Variants in MRPS27 observed in about 807,000 individuals in gnomAD.
The protein encoded by MRPS27 is small ribosomal subunit protein mS27.
MRPS27 carries 43 observed loss-of-function variants against 48.9 expected under a neutral mutation model. The ratio of observed to expected loss-of-function variants is 0.88; its 90% CI spans 0.69 to 1.13. The LOEUF (loss-of-function observed/expected upper bound fraction) is 1.13. Among genes scored for constraint, MRPS27 ranks in the 50% most tolerant of loss-of-function variants. The pLI is 0.00. For missense variants in MRPS27, 467 were observed against 476.3 expected (o/e 0.98, Z 0.18); for synonymous variants, 188 against 171.9 (o/e 1.09, Z -0.73).
chr5:72,313,518 T>C (rs1320288977), intron 2 of MRPS27, among the ~76,000 whole-genome samples: 1 of 152,258 alleles, frequency 6.6e-6, no homozygotes, highest in Non-Finnish European at 1.5e-5. Flanking sequence ...CTTTTGGGGC[T>C]TGGTATTTTA....
chr5:72,312,653 C>G (rs1403498184), intron 2 of MRPS27, among the ~76,000 whole-genome samples: 1 of 145,960 alleles, frequency 6.9e-6, no homozygotes, highest in African/African-American at 2.5e-5. Context: ...TGGAGTCTTG[C>G]TCTGTTGCCC....
chr5:72,279,094 T>G (rs1039521882), intron 4 of MRPS27, among the ~76,000 whole-genome samples: 1 of 152,234 alleles, frequency 6.6e-6, no homozygotes, highest in Non-Finnish European at 1.5e-5. Flanking sequence ...TATATAATTT[T>G]AAACTCCCAC....
At chr5:72,254,963 C>A (rs1215060500) in intron 4 of MRPS27, among the ~76,000 whole-genome samples, 1 of 149,852 alleles carries the variant, frequency 6.7e-6, no homozygotes, top group Non-Finnish European at 1.5e-5. Context: ...AAGTAAAATG[C>A]AGAATTTAGT....
At chr5:72,261,780 A>G (rs760043471) in intron 4 of MRPS27, among the ~76,000 whole-genome samples, 6 of 152,164 alleles carry the variant, frequency 3.9e-5, no homozygotes, top group Non-Finnish European at 8.8e-5. Flanking sequence ...TTTCCTGTCA[A>G]TTGCCCATTA....
At chr5:72,232,891 A>G (rs189068332) in intron 6 of MRPS27, among the ~76,000 whole-genome samples, 79 of 152,316 alleles carry the variant, frequency 5.2e-4, no homozygotes, top group Non-Finnish European at 4.4e-5. Flanking sequence ...CTACTTCAAG[A>G]GAATTTTGGA....
chr5:72,303,489 T>C (rs1005763600), intron 2 of MRPS27, among the ~76,000 whole-genome samples: 2 of 152,048 alleles, frequency 1.3e-5, no homozygotes, highest in African/African-American at 4.8e-5. Flanking sequence ...TTTTTTAGAA[T>C]TGATAAAAAA....
At position 72,232,501 on chromosome 5, in the gene MRPS27, G is replaced by A; in HGVS notation, c.533C>T (p.Thr178Ile). 1 of 1,612,838 alleles carries A rather than the reference G, an allele frequency of 6.2e-7. No homozygotes were observed. The highest frequency in any genetic ancestry group is 8.5e-7 in the Non-Finnish European group (1 of 1,179,192). ...TAAAACATAGAGGGAGAGAAGTTGG[G>A]TGGAAGGCACTTCAAAGGCTTCTTG... ...MMQEAFEVPS[T>I]QLLSLYVLFH... The change falls in exon 7 of 11, where the codon ACC becomes ATC. Residue 178 changes from threonine (T) to isoleucine (I), a missense_variant. Coordinates refer to ENST00000261413, the MANE Select transcript of MRPS27 (RefSeq NM_015084.3).
chr5:72,279,226 G>A (rs1452452343), intron 4 of MRPS27, among the ~76,000 whole-genome samples: 1 of 152,206 alleles, frequency 6.6e-6, no homozygotes, highest in Non-Finnish European at 1.5e-5. Context: ...ATTATTGAGA[G>A]TGAGCATCTA....
At chr5:72,255,044 T>C (rs1445416707) in intron 4 of MRPS27, among the ~76,000 whole-genome samples, 1 of 138,232 alleles carries the variant, frequency 7.2e-6, no homozygotes, top group East Asian at 2.1e-4. Context: ...TTTTTTTTTT[T>C]TTTTTTTTTT....
rs765666807 is a variant in MRPS27, at chr5:72,226,069, C to T, written c.825G>A (p.Leu275=). 6.2e-7 allele frequency: 1 copy of T among 1,613,450 alleles called. No homozygotes were observed. The highest frequency in any genetic ancestry group is 8.5e-7 in the Non-Finnish European group (1 of 1,179,570). Reference sequence around the variant, plus strand: ...CTGAAGAACATACCGCTTCTCTACACAGCTTTATGTCTTCTGGGGAGGCAG... The same window carrying T: ...CTGAAGAACATACCGCTTCTCTACATAGCTTTATGTCTTCTGGGGAGGCAG... ...KVAASPEDIK[L]CREALDVLGA... The change falls in exon 9 of 11, where the codon CTG becomes CTA. Residue 275 remains leucine, a synonymous_variant. Coordinates refer to ENST00000261413, the MANE Select transcript of MRPS27 (RefSeq NM_015084.3).
At chr5:72,256,936 C>T (rs181992717) in intron 4 of MRPS27, among the ~76,000 whole-genome samples, 4 of 152,268 alleles carry the variant, frequency 2.6e-5, no homozygotes, top group East Asian at 3.9e-4. Context: ...CAGAACTAGA[C>T]GTGCCATTCT....
At chr5:72,254,691 T>C (rs1386037568) in intron 4 of MRPS27, among the ~76,000 whole-genome samples, 1 of 152,170 alleles carries the variant, frequency 6.6e-6, no homozygotes, top group Non-Finnish European at 1.5e-5. Flanking sequence ...CTAGCAAATA[T>C]GAGTGAACTT....
intron 4 of MRPS27, among the ~76,000 whole-genome samples, chr5:72,290,084 T>C (rs1422147699): frequency 6.6e-6 from 1 of 152,168 alleles, no homozygotes; most frequent in East Asian, 1.9e-4. Flanking sequence ...TTTTTGCCAA[T>C]GGCACAATTT....
chr5:72,237,973 A>C (rs1748246893), intron 5 of MRPS27, 41 bp downstream of exon 5: 1 of 1,429,506 alleles, frequency 7.0e-7, no homozygotes, highest in Non-Finnish European at 9.9e-7. Flanking sequence ...CATATCACCT[A>C]AACTCAGGAA....
intron 2 of MRPS27, 35 bp downstream of exon 2, chr5:72,314,045 GA>G: frequency 2.0e-6 from 3 of 1,506,924 alleles, no homozygotes; most frequent in Non-Finnish European, 2.8e-6. Context: ...CAGAGTGACC[GA>G]AAATGACACA....
intron 2 of MRPS27, among the ~76,000 whole-genome samples, chr5:72,302,353 A>G (rs1750147462): frequency 6.6e-6 from 1 of 152,152 alleles, no homozygotes; most frequent in African/African-American, 2.4e-5. Context: ...GGAGACTCTA[A>G]TTCCCTGGGT....
intron 4 of MRPS27, among the ~76,000 whole-genome samples, chr5:72,276,309 T>C (rs1317829763): frequency 1.3e-5 from 2 of 152,126 alleles, no homozygotes; most frequent in Non-Finnish European, 2.9e-5. Flanking sequence ...AAACAAGTAA[T>C]GGGGAAAAGA....
intron 4 of MRPS27, among the ~76,000 whole-genome samples, chr5:72,282,028 T>C (rs190285824): frequency 3.9e-5 from 6 of 152,262 alleles, no homozygotes; most frequent in African/African-American, 1.2e-4. Flanking sequence ...CTATTTGTCT[T>C]AAAATCAGCA....
At chr5:72,292,866 C>G (rs749211322) in intron 4 of MRPS27, among the ~76,000 whole-genome samples, 2 of 152,086 alleles carry the variant, frequency 1.3e-5, no homozygotes, top group African/African-American at 2.4e-5. Context: ...GAAATCCTAA[C>G]CCCAGGCCTG....
Sources: allele counts gnomAD v4.1 joint callset (sites outside exome capture counted in the v4.1 genomes callset), GRCh38; gene constraint gnomAD v4.1.1; transcripts MANE v1.5; gene names NCBI Gene and HGNC (gene_info 2026-07-23, HGNC 2026-07-21).